Variants in DNAJC13 observed in about 807,000 individuals in gnomAD.
DNAJC13 encodes DnaJ heat shock protein family (Hsp40) member C13.
Under a neutral mutation model 290.5 loss-of-function variants are expected in DNAJC13, and 75 were observed. That is an observed-to-expected ratio of 0.26 (90% CI 0.21 to 0.31). The LOEUF is 0.31. DNAJC13 is among the 10% of genes least tolerant of loss of function. The probability of loss-of-function intolerance (pLI) is 1.00; values close to 1 mark genes in which losing one functional copy is unlikely to be tolerated. For missense variants in DNAJC13, 2,260 were observed against 2,674.5 expected (o/e 0.85, Z 3.42); for synonymous variants, 862 against 892.0 (o/e 0.97, Z 0.60).
chr3:132,456,651 T>C lies in DNAJC13; in HGVS notation c.1180-12T>C. ...TATGGAAACTTTTTTGAAATACTCT[T>C]TCTTCACCTAGGGTCTCTTCTCAGA... On this transcript the variant is annotated splice_polypyrimidine_tract_variant and intron_variant, in intron 11 of 55. Transcript: ENST00000260818. 1.2e-6 allele frequency: 2 copies of C among 1,613,212 alleles called. No homozygotes were observed. Among genetic ancestry groups the C allele is most frequent in the Non-Finnish European group, 1.7e-6 (2 of 1,179,694 alleles).
intron 29 of DNAJC13, among the ~76,000 whole-genome samples, chr3:132,486,730 G>A (rs1210994379): frequency 2.6e-5 from 4 of 152,114 alleles, no homozygotes; most frequent in Non-Finnish European, 2.9e-5. Context: ...TATCTTCATC[G>A]GTTGGAAAGG....
At chr3:132,432,626 A>T (rs1313645453) in intron 1 of DNAJC13, among the ~76,000 whole-genome samples, 1 of 152,262 alleles carries the variant, frequency 6.6e-6, no homozygotes, top group South Asian at 2.1e-4. Flanking sequence ...AGTATTTTCA[A>T]AACCTATCAG....
intron 9 of DNAJC13, among the ~76,000 whole-genome samples, chr3:132,454,461 A>G (rs1223790695): frequency 6.6e-6 from 1 of 151,428 alleles, no homozygotes; most frequent in Non-Finnish European, 1.5e-5. Flanking sequence ...AGCTGGGATT[A>G]CAGGTGTGCG....
chr3:132,525,309 C>T (rs1452817212), intron 51 of DNAJC13, among the ~76,000 whole-genome samples: 2 of 152,150 alleles, frequency 1.3e-5, no homozygotes, highest in Non-Finnish European at 2.9e-5. Flanking sequence ...CATTGCACTC[C>T]AGCCTGGGCA....
At chr3:132,418,816 T>G (rs1344332677) in intron 1 of DNAJC13, among the ~76,000 whole-genome samples, 1 of 152,234 alleles carries the variant, frequency 6.6e-6, no homozygotes, top group Non-Finnish European at 1.5e-5. Context: ...GGTTTCTAGG[T>G]TTGAAACTAC....
chr3:132,468,701 A>C (rs1321965762), intron 20 of DNAJC13, among the ~76,000 whole-genome samples: 1 of 152,192 alleles, frequency 6.6e-6, no homozygotes, highest in Non-Finnish European at 1.5e-5. Context: ...TATACAAGCA[A>C]AATAATAGTA....
chr3:132,510,702 C>T (rs942701907), intron 43 of DNAJC13, among the ~76,000 whole-genome samples: 1 of 152,142 alleles, frequency 6.6e-6, no homozygotes, highest in East Asian at 1.9e-4. Context: ...TGACTTGTGA[C>T]GTCCCTTTGA....
chr3:132,512,249 G>A (rs951232819), intron 44 of DNAJC13, among the ~76,000 whole-genome samples: 6 of 152,206 alleles, frequency 3.9e-5, no homozygotes, highest in South Asian at 4.1e-4. Context: ...TAACTCTCTC[G>A]TAATTTAGAA....
intron 16 of DNAJC13, among the ~76,000 whole-genome samples, chr3:132,463,467 T>C (rs1419062190): frequency 6.6e-6 from 1 of 152,150 alleles, no homozygotes; most frequent in East Asian, 1.9e-4. Context: ...CAAAGCATAG[T>C]TTATGAGGTA....
At chr3:132,442,292 C>T (rs771375286) in intron 2 of DNAJC13, among the ~76,000 whole-genome samples, 2 of 151,796 alleles carry the variant, frequency 1.3e-5, no homozygotes, top group Admixed American at 6.6e-5. Context: ...CCACTGCACC[C>T]GGCCACAAAA....
chr3:132,440,873 G>A (rs1164044041), intron 2 of DNAJC13, among the ~76,000 whole-genome samples: 1 of 152,194 alleles, frequency 6.6e-6, no homozygotes. Flanking sequence ...AGAAAACACA[G>A]CTAGTGAGTA....
Position 132,462,486 on chromosome 3 carries a change from T to A in DNAJC13, c.1733T>A (p.Ile578Lys), listed in dbSNP as rs1933831312. Residue 578 changes from isoleucine to lysine, a missense_variant, in exon 16 of 56, where the codon ATA becomes AAA. This residue lies in a region of DNAJC13 where 762 missense variants were observed against 964.1 expected (regional missense o/e 0.79). Transcript: ENST00000260818. ...KLFQHPSMAIIKGAGLVMKAI... is the reference protein window; with the variant it reads ...KLFQHPSMAIKKGAGLVMKAI... The stretch of plus-strand genomic sequence containing the variant: ...TTAAAGCATCCTTCCATGGCAATAA[T>A]AAAAGGAGCTGGGTTGGTTATGAAG... 6.2e-7 allele frequency: 1 copy of A among 1,609,374 alleles called. No individual in the cohort carries two copies. The highest frequency in any genetic ancestry group is 1.3e-5 in the African/African-American group (1 of 74,656).
chr3:132,530,421 C>T (rs549113192), intron 54 of DNAJC13, among the ~76,000 whole-genome samples: 6 of 152,170 alleles, frequency 3.9e-5, no homozygotes, highest in South Asian at 4.1e-4. Flanking sequence ...GTGCATATTC[C>T]CACACATGTA....
At chr3:132,433,375 A>C (rs1197468600) in intron 1 of DNAJC13, among the ~76,000 whole-genome samples, 1 of 151,578 alleles carries the variant, frequency 6.6e-6, no homozygotes, top group Non-Finnish European at 1.5e-5. Context: ...CACACTACTC[A>C]ATAGTGTTAT....
At chr3:132,525,222 C>A (rs1936217479) in intron 51 of DNAJC13, among the ~76,000 whole-genome samples, 1 of 152,148 alleles carries the variant, frequency 6.6e-6, no homozygotes, top group African/African-American at 2.4e-5. Context: ...TGCCTGTAAT[C>A]CCAGCTACTT....
intron 33 of DNAJC13, among the ~76,000 whole-genome samples, chr3:132,493,625 T>C (rs1181543594): frequency 7.2e-5 from 11 of 152,212 alleles, no homozygotes; most frequent in Non-Finnish European, 1.3e-4. Context: ...GCTTTTTTTT[T>C]CCCATTTGCT....
At chr3:132,504,260 C>T (rs1441694234) in intron 41 of DNAJC13, among the ~76,000 whole-genome samples, 1 of 150,188 alleles carries the variant, frequency 6.7e-6, no homozygotes, top group African/African-American at 2.4e-5. Context: ...CAGTGCTTGC[C>T]ATGCTTTTCA....
intron 29 of DNAJC13, among the ~76,000 whole-genome samples, chr3:132,487,030 A>G (rs566946538): frequency 6.6e-6 from 1 of 152,238 alleles, no homozygotes; most frequent in South Asian, 2.1e-4. Context: ...TACTGCCATT[A>G]ACACTAGGGA....
At chr3:132,469,963 CTTT>C (rs61726289) in intron 20 of DNAJC13, among the ~76,000 whole-genome samples, 639 of 60,964 alleles carry the variant, frequency 0.01, 6 homozygotes, top group African/African-American at 0.034. Flanking sequence ...AGCAGAGATT[CTTT>C]TTTTTTTTTT....
Sources: gnomAD v4.1 joint callset for allele counts (sites outside exome capture counted in the v4.1 genomes callset) on GRCh38, gnomAD v4.1.1 for gene constraint, gnomAD v4.1.1 regional missense constraint, MANE v1.5 for transcripts, NCBI Gene and HGNC (gene_info 2026-07-23, HGNC 2026-07-21) for gene names.